The following GPI variants were observed in gnomAD, a reference collection of about 807,000 sequenced individuals.
The protein encoded by GPI is glucose-6-phosphate isomerase.
Under a neutral mutation model 75.8 loss-of-function variants are expected in GPI, and 56 were observed. The ratio of observed to expected loss-of-function variants is 0.74; its 90% CI spans 0.60 to 0.92. GPI has a LOEUF of 0.92. Ranked by LOEUF, GPI falls within the 40% of genes least tolerant of loss-of-function variation. The probability of loss-of-function intolerance (pLI) is 0.00; values close to 1 mark genes in which losing one functional copy is unlikely to be tolerated. For synonymous variants in GPI, 288 were observed against 285.4 expected, an observed-to-expected ratio of 1.01 and a Z score of -0.09; for missense variants, 638 against 741.0, an observed-to-expected ratio of 0.86 and a Z score of 1.61.
At chr19:34,360,575 G>C (rs2074296082), upstream of GPI, among the ~76,000 whole-genome samples, 1 of 152,104 alleles carries the variant, frequency 6.6e-6, no homozygotes, top group South Asian at 2.1e-4. Flanking sequence ...TCCAGCCTGG[G>C]TGACAGAGCG....
chr19:34,400,826 G>A lies in GPI; in HGVS notation c.*790G>A. 2.7e-6 allele frequency: 1 copy of A among 364,436 alleles called. No homozygotes were observed. The highest frequency in any genetic ancestry group is 4.9e-6 in the Non-Finnish European group (1 of 204,842). 22.6% of individuals were successfully genotyped at this position (364,436 alleles called of 1,614,324 possible). On this transcript the variant is annotated 3_prime_UTR_variant, in exon 18 of 18. Transcript: ENST00000356487. The stretch of plus-strand genomic sequence containing the variant: ...TGCAACCTCCGCCTCCCGGGTTCAA[G>A]CTATTCTCCTGCCTCAGCCTCCCGA...
intron 9 of GPI, among the ~76,000 whole-genome samples, chr19:34,384,911 T>C (rs1399851034): frequency 1.3e-5 from 2 of 150,692 alleles, no homozygotes; most frequent in Non-Finnish European, 2.9e-5. Flanking sequence ...GGCATGGTGG[T>C]GCATGCCTAC....
chr19:34,378,749 TC>T (rs2074592496), intron 6 of GPI, among the ~76,000 whole-genome samples, 184 bp from the exon 7 acceptor site: 1 of 151,892 alleles, frequency 6.6e-6, no homozygotes, highest in African/African-American at 2.4e-5. Flanking sequence ...GTGTTTACCG[TC>T]CCCCCTCCTC....
At chr19:34,366,270 A>G in intron 1 of GPI, 75 bp from the exon 2 acceptor site, 2 of 959,722 alleles carry the variant, frequency 2.1e-6, no homozygotes, top group Non-Finnish European at 3.4e-6. Flanking sequence ...TCTTCTGGGA[A>G]CAGCTCCTGC....
intron 4 of GPI, 57 bp downstream of exon 4, chr19:34,368,759 T>A (rs2074406107): frequency 1.2e-6 from 2 of 1,607,340 alleles, no homozygotes; most frequent in Non-Finnish European, 1.7e-6. Flanking sequence ...TATTTGGGAA[T>A]CTGGGAGCCC....
Position 34,365,219 on chromosome 19 carries a change from C to G in GPI, c.-48C>G, listed in dbSNP as rs774699183. On this transcript the variant is annotated 5_prime_UTR_variant, in exon 1 of 18. Transcript: ENST00000356487. ...TCGCTTGCTGCGCGCTGCCGGCGCT[C>G]CTTCCTCCTCGGCTCGCGTCTCACT... 4.3e-5 allele frequency: 61 copies of G among 1,427,082 alleles called. No individual in the cohort carries two copies. Among genetic ancestry groups the G allele is most frequent in the South Asian group, 2.6e-4 (16 of 62,718 alleles). 88.4% of individuals were successfully genotyped at this position (1,427,082 alleles called of 1,614,324 possible).
rs904604956 is a variant in GPI, at chr19:34,401,220, G to A, written c.*1184G>A. On this transcript the variant is annotated 3_prime_UTR_variant, in exon 18 of 18. Transcript: ENST00000356487. ...TTTTTTCATTTTTTGTAGAGAGACG[G>A]GTCTTTTTTTTTTTTGAGACGGAGT... 2.6e-5 allele frequency: 4 copies of A among 151,240 alleles called. No individual in the cohort carries two copies. Among genetic ancestry groups the A allele is most frequent in the African/African-American group, 9.7e-5 (4 of 41,104 alleles). 9.4% of individuals were successfully genotyped at this position (151,240 alleles called of 1,614,324 possible).
intron 1 of GPI, 114 bp from the exon 2 acceptor site, chr19:34,366,231 C>A (rs2074362387): frequency 1.3e-6 from 1 of 785,724 alleles, no homozygotes; most frequent in Non-Finnish European, 2.3e-6. Flanking sequence ...GGCCGCGGCC[C>A]TTGTGGGGCG....
At chr19:34,385,072 G>T (rs1413359818) in intron 9 of GPI, among the ~76,000 whole-genome samples, 1 of 151,646 alleles carries the variant, frequency 6.6e-6, no homozygotes, top group Non-Finnish European at 1.5e-5. Flanking sequence ...GGGTGTGGTG[G>T]CTCATGCCTG....
At chr19:34,368,908 C>T (rs2074408368) in intron 4 of GPI, 1 of 642,732 alleles carries the variant, frequency 1.6e-6, no homozygotes, top group Admixed American at 2.4e-5. Flanking sequence ...CTGAAGGAAT[C>T]TGCTGCTGGC....
At chr19:34,367,829 A>G (rs746974387) in intron 3 of GPI, among the ~76,000 whole-genome samples, 36 of 152,228 alleles carry the variant, frequency 2.4e-4, no homozygotes, top group Non-Finnish European at 4.3e-4. Flanking sequence ...AGCTGAGGAC[A>G]CTGCCTAAAA....
At chr19:34,379,028 C>T in intron 7 of GPI, 23 bp downstream of exon 7, 1 of 1,602,434 alleles carries the variant, frequency 6.2e-7, no homozygotes, top group South Asian at 1.1e-5. Flanking sequence ...TAGGGCCTTC[C>T]TCGTGGTTAG....
chr19:34,391,940 G>A, intron 9 of GPI, among the ~76,000 whole-genome samples: 1 of 584 alleles, frequency 1.7e-3, no homozygotes, highest in African/African-American at 6.3e-3. Flanking sequence ...GTCATGTCTG[G>A]AGGTAAGATC....
rs2074365757 is a variant in GPI at position 34,366,393 on chromosome 19, G to A, written c.171G>A (p.Lys57=). The A allele has an allele frequency of 5.0e-6, 8 of 1,613,718 alleles. No homozygotes were observed. The highest frequency in any genetic ancestry group is 5.9e-6 in the Non-Finnish European group (7 of 1,179,686). Residue 57 remains lysine (K), a synonymous_variant, in exon 2 of 18, where the codon AAG becomes AAA. Coordinates refer to ENST00000356487, the MANE Select transcript of GPI (RefSeq NM_000175.5). ...NHGHILVDYS[K]NLVTEDVMRM... is the part of the protein sequence containing the mutation. ...GGCATATCCTGGTGGATTACTCCAA[G>A]AACCTGGTGACGGAGGACGTGATGC... is the stretch of plus-strand genomic sequence containing the variant.
At chr19:34,380,110 C>T (rs1276009809) in intron 8 of GPI, among the ~76,000 whole-genome samples, 1 of 150,116 alleles carries the variant, frequency 6.7e-6, no homozygotes, top group Admixed American at 6.7e-5. Flanking sequence ...GATTCTCCTG[C>T]CTTAGCCTCC....
intron 8 of GPI, chr19:34,379,877 C>G (rs2074615885): frequency 2.7e-5 from 14 of 528,114 alleles, no homozygotes; most frequent in Middle Eastern, 5.2e-4. Context: ...AGCATCTCCC[C>G]AAATGTGACA....
upstream of GPI, chr19:34,364,959 C>T (rs764987378): frequency 4.2e-5 from 64 of 1,527,380 alleles, no homozygotes; most frequent in African/African-American, 8.7e-4. Flanking sequence ...GATCCCCGGG[C>T]TCTGCCCACC....
intron 8 of GPI, among the ~76,000 whole-genome samples, chr19:34,380,255 C>CA (rs757993666): frequency 2.0e-5 from 3 of 151,658 alleles, no homozygotes; most frequent in African/African-American, 7.3e-5. Context: ...CTCAGCCTCC[C>CA]AAAGTGCTGG....
At chr19:34,396,681 T>G in intron 14 of GPI, 24 bp downstream of exon 14, 1 of 1,592,568 alleles carries the variant, frequency 6.3e-7, no homozygotes, top group Non-Finnish European at 8.6e-7. Context: ...TCTGGCCCCA[T>G]CTGGGGGGTC....
Sources: gnomAD v4.1 joint callset for allele counts (sites outside exome capture counted in the v4.1 genomes callset) on GRCh38, gnomAD v4.1.1 for gene constraint, MANE v1.5 for transcripts, NCBI Gene and HGNC (gene_info 2026-07-23, HGNC 2026-07-21) for gene names.